ABCC9: variants seen among roughly 807,000 people sequenced by gnomAD.
ABCC9 encodes the protein ATP binding cassette subfamily C member 9.
Under a neutral mutation model 188.3 loss-of-function variants are expected in ABCC9, and 95 were observed. The observed-to-expected ratio is 0.50, with a 90% CI of 0.43 to 0.60. The LOEUF (loss-of-function observed/expected upper bound fraction) is 0.60. Ranked by LOEUF, ABCC9 falls within the 20% of genes least tolerant of loss-of-function variation. The pLI is 0.00. For synonymous variants in ABCC9, 659 were observed against 652.7 expected (o/e 1.01, Z -0.15); for missense variants, 1,102 against 1,876.3 (o/e 0.59, Z 7.62).
At chr12:21,860,725 CCTTT>C (rs1945462035) in intron 21 of ABCC9, among the ~76,000 whole-genome samples, 1 of 152,120 alleles carries the variant, frequency 6.6e-6, no homozygotes, top group African/African-American at 2.4e-5. Context: ...CTATGTTTCA[CCTTT>C]CTTTGAGAAC....
chr12:21,925,988 C>T lies in ABCC9; in HGVS notation c.360G>A (p.Val120=). The change falls in exon 5 of 40, where the codon GTG becomes GTA. Residue 120 remains valine (V), a synonymous_variant. Transcript: ENST00000261200. The part of the protein sequence containing the change: ...MGFVATTTSI[V]YYHNIETSNF... ...TTGATGTTTCGATATTATGATAATA[C>T]ACTATCGATGTTGTAGTGGCAACGA... 1 of 1,613,458 alleles carries T rather than the reference C, an allele frequency of 6.2e-7. No homozygotes were observed. Among genetic ancestry groups the T allele is most frequent in the Non-Finnish European group, 8.5e-7 (1 of 1,179,424 alleles).
intron 4 of ABCC9, among the ~76,000 whole-genome samples, chr12:21,928,816 T>C (rs1336903139): frequency 6.6e-6 from 1 of 152,186 alleles, no homozygotes. Flanking sequence ...GTTATTTTGT[T>C]AGTTCTCTAT....
intron 26 of ABCC9, among the ~76,000 whole-genome samples, 177 bp from the exon 27 acceptor site, chr12:21,845,092 C>T (rs1592052293): frequency 2.0e-5 from 3 of 152,208 alleles, no homozygotes; most frequent in Admixed American, 2.0e-4. Context: ...CATAATTCCA[C>T]AGGCCAAGCC....
At chr12:21,882,991 T>G (rs567235046) in intron 15 of ABCC9, 118 bp from the exon 16 acceptor site, 1 of 793,290 alleles carries the variant, frequency 1.3e-6, no homozygotes, top group South Asian at 1.5e-5. Context: ...TGTTATATTT[T>G]AATTATTTCA....
chr12:21,874,963 A>AT (rs1343108467), intron 17 of ABCC9, among the ~76,000 whole-genome samples: 1 of 152,222 alleles, frequency 6.6e-6, no homozygotes, highest in Non-Finnish European at 1.5e-5. Context: ...TGTGAGATGA[A>AT]TAAGTTCTAG....
intron 39 of ABCC9, chr12:21,805,028 G>T: frequency 1.7e-6 from 2 of 1,168,396 alleles, no homozygotes; most frequent in Admixed American, 1.9e-5. Flanking sequence ...GCACTTGGTT[G>T]AGCTGATTTT....
intron 27 of ABCC9, 27 bp downstream of exon 27, chr12:21,844,740 G>A (rs377339568): frequency 6.2e-7 from 1 of 1,611,564 alleles, no homozygotes; most frequent in Non-Finnish European, 8.5e-7. Context: ...TTTTATGTGT[G>A]GGAGTGAGAA....
In ABCC9 at chr12:21,910,205, G is replaced by A. The variant is rs1948251880; in HGVS notation, c.1272C>T (p.Leu424=). ...TGGGACACAGGAACAAAAACCACAT[G>A]AGTTGATTAGTTTCAATGGCGACTA... ...NNLVAIETNQ[L]MWFLFLCPNL... Residue 424 remains leucine, a synonymous_variant, in exon 10 of 40, where the codon CTC becomes CTT. Transcript: ENST00000261200. 1 of 1,611,340 alleles carries A rather than the reference G, an allele frequency of 6.2e-7. No homozygotes were observed. Among genetic ancestry groups the A allele is most frequent in the African/African-American group, 1.3e-5 (1 of 74,638 alleles).
intron 3 of ABCC9, among the ~76,000 whole-genome samples, chr12:21,934,555 G>T (rs960864280): frequency 4.2e-4 from 64 of 151,948 alleles, no homozygotes; most frequent in African/African-American, 1.5e-3. Flanking sequence ...AAAATTCAAG[G>T]TTGTATGTTA....
intron 4 of ABCC9, among the ~76,000 whole-genome samples, chr12:21,927,958 G>T (rs144668498): frequency 6.6e-6 from 1 of 152,068 alleles, no homozygotes; most frequent in Non-Finnish European, 1.5e-5. Context: ...GGTGGCTTAC[G>T]CTTGCAATCC....
At chr12:21,913,487 T>C (rs1948414349) in intron 7 of ABCC9, among the ~76,000 whole-genome samples, 1 of 152,122 alleles carries the variant, frequency 6.6e-6, no homozygotes, top group Non-Finnish European at 1.5e-5. Context: ...GGCAGACTGG[T>C]CAAGACTTTT....
intron 5 of ABCC9, among the ~76,000 whole-genome samples, 168 bp from the exon 6 acceptor site, chr12:21,917,271 A>T (rs1948636114): frequency 1.3e-5 from 2 of 152,094 alleles, no homozygotes; most frequent in African/African-American, 4.8e-5. Context: ...GTACTTCTGG[A>T]GTTTTGAGTT....
At chr12:21,812,203 G>C in intron 35 of ABCC9, 46 bp from the exon 36 acceptor site, 1 of 1,285,680 alleles carries the variant, frequency 7.8e-7, no homozygotes, top group South Asian at 1.2e-5. Context: ...AAAATCACAA[G>C]TAAAATAATA....
intron 33 of ABCC9, among the ~76,000 whole-genome samples, chr12:21,816,645 A>C (rs577892949): frequency 6.6e-6 from 1 of 152,180 alleles, no homozygotes; most frequent in Non-Finnish European, 1.5e-5. Context: ...AAGATGGGCA[A>C]GGGTTGGCTA....
At chr12:21,841,299 T>A (rs550192503) in intron 29 of ABCC9, among the ~76,000 whole-genome samples, 1 of 151,736 alleles carries the variant, frequency 6.6e-6, no homozygotes, top group Admixed American at 6.6e-5. Context: ...ATTTGTAGAG[T>A]ATAATAATAT....
chr12:21,799,253 A>G lies in ABCC9; in HGVS notation c.*1791T>C, dbSNP rs1941318801. ...CCTAAAACTTAAAGTATATTAAAAA[A>G]AAAATTAAAAAAAAAAAAGAAAAAA... On this transcript the variant is annotated 3_prime_UTR_variant, in exon 40 of 40. Transcript: ENST00000261200. 1 of 151,686 alleles carries G rather than the reference A, an allele frequency of 6.6e-6. No individual in the cohort carries two copies. 9.4% of individuals were successfully genotyped at this position (151,686 alleles called of 1,614,324 possible).
At chr12:21,804,561 G>A (rs896163167) in intron 39 of ABCC9, among the ~76,000 whole-genome samples, 10 of 152,166 alleles carry the variant, frequency 6.6e-5, no homozygotes, top group African/African-American at 2.4e-4. Flanking sequence ...TATGAATTGA[G>A]TTAATTGGGT....
intron 5 of ABCC9, among the ~76,000 whole-genome samples, chr12:21,919,232 C>A (rs1948714480): frequency 6.6e-6 from 1 of 151,638 alleles, no homozygotes; most frequent in Non-Finnish European, 1.5e-5. Flanking sequence ...ATAAAATGGA[C>A]AAAATTGATA....
At chr12:21,857,861 T>C (rs1374940479) in intron 22 of ABCC9, among the ~76,000 whole-genome samples, 1 of 152,148 alleles carries the variant, frequency 6.6e-6, no homozygotes, top group African/African-American at 2.4e-5. Context: ...TCTATAGAAG[T>C]ATAAGATAAT....
Sources: gnomAD v4.1 joint callset for allele counts (sites outside exome capture counted in the v4.1 genomes callset) on GRCh38, gnomAD v4.1.1 for gene constraint, MANE v1.5 for transcripts, NCBI Gene and HGNC (gene_info 2026-07-23, HGNC 2026-07-21) for gene names.